TMCO1: variants seen among roughly 807,000 people sequenced by gnomAD.
The protein encoded by TMCO1 is transmembrane and coiled-coil domains 1.
In TMCO1, 29 loss-of-function variants were observed where a neutral mutation model predicts 29.3. The ratio of observed to expected loss-of-function variants is 0.99; its 90% CI spans 0.74 to 1.35. The LOEUF is 1.35. Ranked by LOEUF, TMCO1 falls within the 40% of genes most tolerant of loss-of-function variation. The probability of loss-of-function intolerance (pLI) is 0.00; values close to 1 mark genes in which losing one functional copy is unlikely to be tolerated. For synonymous variants in TMCO1, 80 were observed against 77.1 expected, an observed-to-expected ratio of 1.04 and a Z score of -0.20; for missense variants, 173 against 225.5, an observed-to-expected ratio of 0.77 and a Z score of 1.49.
intron 5 of TMCO1, among the ~76,000 whole-genome samples, chr1:165,743,819 G>A (rs560222447): frequency 7.3e-5 from 11 of 151,046 alleles, no homozygotes; most frequent in Admixed American, 2.6e-4. Flanking sequence ...GAACATGCAT[G>A]AGACTTTAAA....
intron 6 of TMCO1, among the ~76,000 whole-genome samples, chr1:165,739,598 A>G (rs1046871696): frequency 2.0e-5 from 3 of 152,100 alleles, no homozygotes; most frequent in Non-Finnish European, 4.4e-5. Flanking sequence ...CATGTTTCCC[A>G]GGCTGGTCTT....
intron 2 of TMCO1, among the ~76,000 whole-genome samples, chr1:165,766,945 GA>G (rs1652593917): frequency 6.6e-6 from 1 of 152,126 alleles, no homozygotes; most frequent in South Asian, 2.1e-4. Flanking sequence ...TCACGTTTGT[GA>G]AGGTAAAGAT....
At chr1:165,737,076 T>C (rs1016386515) in intron 6 of TMCO1, among the ~76,000 whole-genome samples, 5 of 152,176 alleles carry the variant, frequency 3.3e-5, no homozygotes, top group Non-Finnish European at 5.9e-5. Flanking sequence ...TCCTAAATGC[T>C]GAACAGGCAT....
chr1:165,725,946 A>G (rs1650871864), downstream of TMCO1: 7 of 657,302 alleles, frequency 1.1e-5, no homozygotes, highest in Non-Finnish European at 2.0e-5. Context: ...CCTCTTATTT[A>G]TTCCTTACCA....
downstream of TMCO1, chr1:165,726,190 G>C (rs754282761): frequency 1.4e-6 from 1 of 698,466 alleles, no homozygotes. Flanking sequence ...ATTTTGCTTA[G>C]AGTGGTCAAT....
chr1:165,728,114 T>C lies in TMCO1; in HGVS notation c.476A>G (p.Gln159Arg). The C allele has an allele frequency of 1.2e-6, 2 of 1,607,338 alleles. No homozygotes were observed. Among genetic ancestry groups the C allele is most frequent in the Non-Finnish European group, 8.5e-7 (1 of 1,175,686 alleles). ...TGAAGGGGCAAGGCCGAGAATCTTCTGAATGTTCTGTGAAGAAAGCACAGT... is the reference window on the plus strand; with the variant it reads ...TGAAGGGGCAAGGCCGAGAATCTTCCGAATGTTCTGTGAAGAAAGCACAGT... ...LCTMSIRQNIQKILGLAPSRA... is the reference protein window; with the variant it reads ...LCTMSIRQNIRKILGLAPSRA... Residue 159 changes from glutamine to arginine, a missense_variant, in exon 7 of 7, where the codon CAG becomes CGG. Gln to Arg is a conservative substitution (Grantham distance 43). Transcript: ENST00000367881.
chr1:165,752,252 ATTTTT>A (rs773982057), intron 4 of TMCO1, 83 bp from the exon 5 acceptor site: 228 of 427,392 alleles, frequency 5.3e-4, no homozygotes, highest in Non-Finnish European at 6.2e-4. Flanking sequence ...GTTTCATGTC[ATTTTT>A]TTTTTTTTTT....
At chr1:165,754,369 C>A in intron 3 of TMCO1, 95 bp from the exon 4 acceptor site, 1 of 928,646 alleles carries the variant, frequency 1.1e-6, no homozygotes, top group South Asian at 1.3e-5. Context: ...CAAAAGCACT[C>A]TATCTCAATA....
At chr1:165,739,676 A>G (rs528270585) in intron 6 of TMCO1, among the ~76,000 whole-genome samples, 1 of 151,640 alleles carries the variant, frequency 6.6e-6, no homozygotes, top group Non-Finnish European at 1.5e-5. Context: ...GGTGTGAGCC[A>G]CTGTGCCTGG....
downstream of TMCO1, chr1:165,726,052 TATATA>T: frequency 1.4e-6 from 1 of 691,396 alleles, no homozygotes; most frequent in Non-Finnish European, 2.6e-6. Context: ...TAGAGTGTGC[TATATA>T]TTCTCACTTT....
chr1:165,762,593 T>C (rs1039283182), intron 2 of TMCO1, among the ~76,000 whole-genome samples: 1 of 152,176 alleles, frequency 6.6e-6, no homozygotes, highest in Non-Finnish European at 1.5e-5. Context: ...AACCTTGGTG[T>C]GTGGATATTT....
In TMCO1 at chr1:165,768,014, C is replaced by T. The variant is rs142131691; in HGVS notation, c.148+178G>A. On this transcript the variant is annotated intron_variant, in intron 2 of 6. Coordinates refer to ENST00000367881, the MANE Select transcript of TMCO1 (RefSeq NM_019026.6). ...CACAGCACATAACATGTATCTGCTA[C>T]GCCCCTCACTTCCCTCTAGTTGGTA... 1.2e-4 allele frequency among the ~76,000 whole-genome samples: 19 copies of T among 152,284 alleles called. No individual in the cohort carries two copies. In the East Asian group the frequency reaches 2.3e-3, roughly 19 times the overall value.
At chr1:165,730,119 A>G (rs1365333551) in intron 6 of TMCO1, among the ~76,000 whole-genome samples, 1 of 148,616 alleles carries the variant, frequency 6.7e-6, no homozygotes, top group African/African-American at 2.5e-5. Context: ...CAGGAGATCG[A>G]GATCATCCTG....
At chr1:165,724,572 G>C (rs1202049920), downstream of TMCO1, 5 of 453,982 alleles carry the variant, frequency 1.1e-5, no homozygotes, top group African/African-American at 8.0e-5. Context: ...CAGACTTACA[G>C]ATCACCAGCT....
Position 165,761,435 on chromosome 1 carries a change from T to G in TMCO1, c.149-1851A>C, listed in dbSNP as rs185055646. ...CTATAGTCCCAGCTACTCAGGAGGCTGAGGCAGGAGGAGCTCCTGAGCCCA... is the reference window on the plus strand; with the variant it reads ...CTATAGTCCCAGCTACTCAGGAGGCGGAGGCAGGAGGAGCTCCTGAGCCCA... On this transcript the variant is annotated intron_variant, in intron 2 of 6. Transcript: ENST00000367881. Among the ~76,000 whole-genome samples the G allele has an allele frequency of 5.2e-3, 793 of 152,064 alleles. 5 individuals carry two copies. The highest frequency in any genetic ancestry group is 6.9e-3 in the Non-Finnish European group (470 of 67,968).
chr1:165,766,780 A>AT (rs1553251703), intron 2 of TMCO1, among the ~76,000 whole-genome samples: 35 of 72,060 alleles, frequency 4.9e-4, no homozygotes, highest in Admixed American at 3.3e-3. Context: ...AAATAAATAA[A>AT]AAATAAAAAA....
chr1:165,766,938 C>T (rs4657477), intron 2 of TMCO1, among the ~76,000 whole-genome samples: 136,102 of 152,124 alleles, frequency 0.89, 61,002 homozygotes, highest in East Asian at 0.99. Context: ...AAGAATATCA[C>T]GTTTGTGAAG....
At chr1:165,768,362 T>C in intron 1 of TMCO1, 93 bp from the exon 2 acceptor site, 1 of 1,516,282 alleles carries the variant, frequency 6.6e-7, no homozygotes, top group Non-Finnish European at 9.1e-7. Context: ...GAATTCCAAC[T>C]TTTCGCTTTG....
At chr1:165,750,041 T>C (rs1651939780) in intron 5 of TMCO1, among the ~76,000 whole-genome samples, 1 of 152,140 alleles carries the variant, frequency 6.6e-6, no homozygotes, top group South Asian at 2.1e-4. Flanking sequence ...TAATTTCCAG[T>C]GATGATAAGT....
Sources: gnomAD v4.1 joint callset for allele counts (sites outside exome capture counted in the v4.1 genomes callset) on GRCh38, gnomAD v4.1.1 for gene constraint, MANE v1.5 for transcripts, NCBI Gene and HGNC (gene_info 2026-07-23, HGNC 2026-07-21) for gene names.